Variants in ARHGEF18 observed in about 807,000 individuals in gnomAD.
The protein encoded by ARHGEF18 is Rho/Rac guanine nucleotide exchange factor 18, also known as rho guanine nucleotide exchange factor 18.
ARHGEF18 carries 93 observed loss-of-function variants against 155.7 expected under a neutral mutation model. The observed-to-expected ratio is 0.60, with a 90% confidence interval of 0.50 to 0.71. The LOEUF (loss-of-function observed/expected upper bound fraction) is 0.71. ARHGEF18 is among the 30% of genes least tolerant of loss of function. The pLI is 0.00. For synonymous variants in ARHGEF18, 742 were observed against 753.1 expected, an observed-to-expected ratio of 0.99 and a Z score of 0.24; for missense variants, 1,593 against 1,816.1, an observed-to-expected ratio of 0.88 and a Z score of 2.23.
chr19:7,391,861 C>T (rs1600273477), intron 10 of ARHGEF18, among the ~76,000 whole-genome samples: 2 of 151,834 alleles, frequency 1.3e-5, no homozygotes, highest in Non-Finnish European at 2.9e-5. Flanking sequence ...CCCTAATTGT[C>T]GAAAGTGCCA....
At chr19:7,388,844 A>G (rs911539316) in intron 10 of ARHGEF18, among the ~76,000 whole-genome samples, 1 of 151,828 alleles carries the variant, frequency 6.6e-6, no homozygotes, top group East Asian at 1.9e-4. Flanking sequence ...GCCTTCCAAA[A>G]TGCTAGGATT....
At chr19:7,399,071 C>T (rs1971886112) in intron 10 of ARHGEF18, among the ~76,000 whole-genome samples, 1 of 152,190 alleles carries the variant, frequency 6.6e-6, no homozygotes, top group African/African-American at 2.4e-5. Flanking sequence ...CATTTAAAAG[C>T]CCAGAGACCT....
At chr19:7,387,538 G>A (rs1971154018) in intron 10 of ARHGEF18, among the ~76,000 whole-genome samples, 1 of 152,110 alleles carries the variant, frequency 6.6e-6, no homozygotes, top group Non-Finnish European at 1.5e-5. Context: ...GTAAATGGTT[G>A]AAAACAAATA....
chr19:7,359,520 ACTATGACACCAGGATTAGGGCTTAGC>A (rs1436789447), intron 1 of ARHGEF18, among the ~76,000 whole-genome samples: 1 of 152,014 alleles, frequency 6.6e-6, no homozygotes, highest in East Asian at 1.9e-4. Context: ...AAGAGCTAAG[ACTATGACACCAGGATTAGGGCTTAGC>A]CTATGACACT....
In ARHGEF18 at chr19:7,462,260, G is replaced by A. The variant is rs146371166; in HGVS notation, c.2561G>A (p.Arg854Gln). 2.8e-5 allele frequency: 45 copies of A among 1,613,676 alleles called. No homozygotes were observed. Among genetic ancestry groups the A allele is most frequent in the African/African-American group, 9.3e-5 (7 of 74,940 alleles). ...GGCCTCGAAGACCTGCCCCAGCCCCGAGGCCTATTCCGTGGAGGGGACCCA... is the reference window on the plus strand; with the variant it reads ...GGCCTCGAAGACCTGCCCCAGCCCCAAGGCCTATTCCGTGGAGGGGACCCA... ...MGGLEDLPQP[R>Q]GLFRGGDPSE... Residue 854 changes from arginine (R) to glutamine (Q), a missense_variant, in exon 21 of 29, where the codon CGA (arginine) becomes CAA (glutamine). Coordinates refer to ENST00000668164, the MANE Select transcript of ARHGEF18 (RefSeq NM_001367823.1). The surrounding 1 kb of genome is among the most constrained non-coding windows in gnomAD (Gnocchi z 4.4).
chr19:7,427,686 C>T (rs1000109540), intron 10 of ARHGEF18, among the ~76,000 whole-genome samples: 6 of 151,380 alleles, frequency 4.0e-5, no homozygotes, highest in African/African-American at 1.5e-4. Context: ...TGGCTCACAC[C>T]TGTAACCCCA....
At chr19:7,355,649 C>T in intron 1 of ARHGEF18, 1 of 985,486 alleles carries the variant, frequency 1.0e-6, no homozygotes, top group Non-Finnish European at 1.2e-6. Flanking sequence ...GGTGCTCAAC[C>T]ACTCCTGGCC....
At chr19:7,363,444 T>C (rs1240436278) in intron 2 of ARHGEF18, among the ~76,000 whole-genome samples, 1 of 147,876 alleles carries the variant, frequency 6.8e-6, no homozygotes, top group African/African-American at 2.5e-5. Context: ...TATGGATGGA[T>C]AGGTAGAAGG....
intron 2 of ARHGEF18, among the ~76,000 whole-genome samples, chr19:7,371,084 A>C (rs1251667071): frequency 6.6e-6 from 1 of 151,712 alleles, no homozygotes; most frequent in Non-Finnish European, 1.5e-5. Context: ...CTCACTTTTA[A>C]ATTTTTTTGT....
chr19:7,351,689 CCTCT>C (rs199685788), intron 1 of ARHGEF18, among the ~76,000 whole-genome samples: 25,468 of 129,360 alleles, frequency 0.2, 3,521 homozygotes, highest in Non-Finnish European at 0.26. Context: ...TTTCTCTCTG[CCTCT>C]CTCTCTCTCT....
chr19:7,431,533 AG>A (rs1568328095), intron 10 of ARHGEF18, among the ~76,000 whole-genome samples: 4 of 148,422 alleles, frequency 2.7e-5, no homozygotes, highest in Non-Finnish European at 5.9e-5. Flanking sequence ...AAAAAAAAAA[AG>A]GCCGGGCTCA....
intron 2 of ARHGEF18, among the ~76,000 whole-genome samples, chr19:7,370,982 C>G (rs1434694586): frequency 6.6e-6 from 1 of 151,820 alleles, no homozygotes. Flanking sequence ...ATGATCACAG[C>G]TCACTTCAGC....
Position 7,418,518 on chromosome 19 carries a change from A to ACTCTGTCAGTGACAGG in ARHGEF18, c.968-21826_968-21825insCTCTGTCAGTGACAGG, listed in dbSNP as rs1568316189. ...ATTCCTCCCACTCTGTCAGTGACAG[A>ACTCTGTCAGTGACAGG]TGGCCACTCTGTCACCTTCTTGCCA... On this transcript the variant is annotated intron_variant, in intron 10 of 28. Transcript: ENST00000668164. 5.3e-3 allele frequency among the ~76,000 whole-genome samples: 808 copies of ACTCTGTCAGTGACAGG among 152,212 alleles called. 7 individuals carry two copies. The highest frequency in any genetic ancestry group is 0.018 in the African/African-American group (762 of 41,530).
chr19:7,362,306 G>A (rs184560847), intron 1 of ARHGEF18, among the ~76,000 whole-genome samples: 1 of 149,252 alleles, frequency 6.7e-6, no homozygotes, highest in Non-Finnish European at 1.5e-5. Context: ...GAAGGAGAAG[G>A]AGGAAGAAGA....
At position 7,463,946 on chromosome 19, in the gene ARHGEF18, C is replaced by A; in HGVS notation, c.2764C>A (p.Pro922Thr). The change falls in exon 22 of 29, where the codon CCC becomes ACC. Residue 922 changes from proline to threonine, a missense_variant. Pro to Thr is a conservative substitution (Grantham distance 38). Transcript: ENST00000668164. This position sits in a 1 kb window ranked among gnomAD's most constrained non-coding sequence, Gnocchi z 5.2. ...CGCGGGCTACGACTGCACAAACAGC[C>A]CCACCAAGAGTAAGAGCGGGGCCGT... is the stretch of plus-strand genomic sequence containing the variant. ...TFAGYDCTNS[P>T]TKNGSFKKKV... 1.9e-6 allele frequency: 3 copies of A among 1,590,282 alleles called. No individual in the cohort carries two copies. Among genetic ancestry groups the A allele is most frequent in the East Asian group, 2.3e-5 (1 of 43,984 alleles).
intron 1 of ARHGEF18, among the ~76,000 whole-genome samples, chr19:7,354,184 GC>G (rs1277094712): frequency 1.3e-5 from 2 of 151,984 alleles, no homozygotes; most frequent in African/African-American, 4.8e-5. Context: ...AAGTGTGATA[GC>G]ATGCATGTAC....
At chr19:7,414,560 C>T (rs1214585350) in intron 10 of ARHGEF18, among the ~76,000 whole-genome samples, 1 of 151,894 alleles carries the variant, frequency 6.6e-6, no homozygotes, top group African/African-American at 2.4e-5. Flanking sequence ...CCTATAATTC[C>T]AGCACTTTGG....
chr19:7,364,537 TTC>T (rs1600192483), intron 2 of ARHGEF18, among the ~76,000 whole-genome samples: 1 of 152,110 alleles, frequency 6.6e-6, no homozygotes. Flanking sequence ...TCATCACACT[TTC>T]TCTAAGCGCT....
chr19:7,396,085 A>C (rs1243024482), intron 10 of ARHGEF18, among the ~76,000 whole-genome samples: 1 of 152,092 alleles, frequency 6.6e-6, no homozygotes, highest in Non-Finnish European at 1.5e-5. Context: ...ACAAGTGGGA[A>C]AGTGCAGTAT....
Sources: allele counts gnomAD v4.1 joint callset (sites outside exome capture counted in the v4.1 genomes callset), GRCh38; gene constraint gnomAD v4.1.1; non-coding constraint Gnocchi (gnomAD v3.1); transcripts MANE v1.5; gene names NCBI Gene and HGNC (gene_info 2026-07-23, HGNC 2026-07-21).